CHRDL1: variants seen among roughly 807,000 people sequenced by gnomAD.
CHRDL1 encodes the protein chordin-like protein 1.
CHRDL1 carries 19 observed loss-of-function variants against 40.9 expected under a neutral mutation model. That is an observed-to-expected ratio of 0.46 (90% confidence interval 0.32 to 0.68). The LOEUF (loss-of-function observed/expected upper bound fraction) is 0.68. Ranked by LOEUF, CHRDL1 falls within the 30% of genes least tolerant of loss-of-function variation. CHRDL1 has a pLI of 0.03. For missense variants in CHRDL1, 329 were observed against 352.1 expected, an observed-to-expected ratio of 0.93 and a Z score of 0.53; for synonymous variants, 136 against 123.4, an observed-to-expected ratio of 1.10 and a Z score of -0.68.
chrX:110,692,085 T>C (rs949985109), intron 8 of CHRDL1, among the ~76,000 whole-genome samples: 1 of 111,612 alleles, frequency 9.0e-6, no homozygotes, highest in African/African-American at 3.3e-5. Context: ...CAAGTAGATA[T>C]ATCAGAGGAC....
In CHRDL1 at chrX:110,721,540, G is replaced by C. The variant is rs761464178; in HGVS notation, c.302-10C>G. 1 of 1,200,210 alleles carries C rather than the reference G, an allele frequency of 8.3e-7. No individual in the cohort carries two copies. The stretch of plus-strand genomic sequence containing the variant: ...GGGGGTAAGGAGTCTTCTAGAACAG[G>C]GTGGAGAAAAACCACACTGAGTATT... On this transcript the variant is annotated splice_polypyrimidine_tract_variant and intron_variant, in intron 4 of 11. Coordinates refer to ENST00000372042, the MANE Select transcript of CHRDL1 (RefSeq NM_001143981.2).
At chrX:110,723,021 C>A (rs750899942) in intron 4 of CHRDL1, among the ~76,000 whole-genome samples, 2 of 111,083 alleles carry the variant, frequency 1.8e-5, no homozygotes, top group Non-Finnish European at 3.8e-5. Flanking sequence ...GAGGCCGAGG[C>A]GGGCGGATCA....
At chrX:110,680,650 T>C (rs1053533288) in intron 10 of CHRDL1, among the ~76,000 whole-genome samples, 6 of 111,876 alleles carry the variant, frequency 5.4e-5, no homozygotes, top group African/African-American at 2.0e-4. Context: ...CATACAGAAG[T>C]TCGAGTACTC....
At chrX:110,792,357 CA>C (rs2090116586) in intron 1 of CHRDL1, 142 bp from the exon 2 acceptor site, 1 of 373,678 alleles carries the variant, frequency 2.7e-6, no homozygotes, top group Non-Finnish European at 4.7e-6. Flanking sequence ...TCTGCCTGCA[CA>C]AGATAAAGGA....
chrX:110,675,949 T>C lies in CHRDL1; in HGVS notation c.*282A>G. On this transcript the variant is annotated 3_prime_UTR_variant, in exon 12 of 12. Coordinates refer to ENST00000372042, the MANE Select transcript of CHRDL1 (RefSeq NM_001143981.2). Reference sequence around the variant, plus strand: ...TGGGGTCTTGTTTGTCTTTAACCTGTAAAGAAATGTGATTCTCCAAGAAAC... The same window carrying C: ...TGGGGTCTTGTTTGTCTTTAACCTGCAAAGAAATGTGATTCTCCAAGAAAC... The C allele has an allele frequency of 4.5e-6, 1 of 220,104 alleles. No homozygotes were observed. Among genetic ancestry groups the C allele is most frequent in the Non-Finnish European group, 8.2e-6 (1 of 122,089 alleles). The allele number at this position is 220,104 out of a possible 1,213,427, so 18.1% of individuals were successfully genotyped here. A position where few individuals can be genotyped will look rare whatever the true frequency, so the allele number is the denominator to read the frequency against.
At chrX:110,689,506 ATCTATATC>A in intron 8 of CHRDL1, among the ~76,000 whole-genome samples, 1 of 46,503 alleles carries the variant, frequency 2.2e-5, no homozygotes, top group African/African-American at 2.5e-4. Context: ...ATATCTATAT[ATCTATATC>A]TCTATATATC....
intron 6 of CHRDL1, among the ~76,000 whole-genome samples, chrX:110,711,342 A>C (rs2070744285): frequency 9.0e-6 from 1 of 111,348 alleles, no homozygotes; most frequent in Admixed American, 9.6e-5. Flanking sequence ...TTACCCTTTT[A>C]ACAAACTTAA....
chrX:110,762,297 G>A (rs946999347), intron 3 of CHRDL1, among the ~76,000 whole-genome samples: 2 of 111,827 alleles, frequency 1.8e-5, no homozygotes, highest in Admixed American at 1.9e-4. Context: ...TATTTTATGA[G>A]ATAGGGTCTT....
At chrX:110,736,622 T>C (rs1403562535) in intron 4 of CHRDL1, among the ~76,000 whole-genome samples, 2 of 111,763 alleles carry the variant, frequency 1.8e-5, no homozygotes, top group Non-Finnish European at 3.8e-5. Context: ...AAGGAGACCA[T>C]GGTGTCTGGT....
intron 4 of CHRDL1, among the ~76,000 whole-genome samples, chrX:110,738,953 G>A (rs1263982608): frequency 1.8e-5 from 2 of 111,263 alleles, no homozygotes; most frequent in African/African-American, 6.5e-5. Context: ...CATTGCTCAC[G>A]ATACCATTGA....
intron 2 of CHRDL1, among the ~76,000 whole-genome samples, chrX:110,786,638 C>G (rs772550449): frequency 8.9e-6 from 1 of 112,461 alleles, no homozygotes; most frequent in South Asian, 3.7e-4. Flanking sequence ...GGTCTCTTGA[C>G]TTTAAGCACA....
At chrX:110,690,050 T>C (rs1277305168) in intron 8 of CHRDL1, among the ~76,000 whole-genome samples, 1 of 67,131 alleles carries the variant, frequency 1.5e-5, no homozygotes, top group Non-Finnish European at 2.6e-5. Flanking sequence ...TATATATATA[T>C]ATATTTTTTT....
chrX:110,770,856 T>C (rs976916015), intron 2 of CHRDL1, among the ~76,000 whole-genome samples: 4 of 111,969 alleles, frequency 3.6e-5, no homozygotes, highest in Non-Finnish European at 5.6e-5. Context: ...AAAGAGATAA[T>C]TAACCTGAGA....
chrX:110,791,639 G>A (rs1021670197), intron 2 of CHRDL1, among the ~76,000 whole-genome samples: 1 of 111,688 alleles, frequency 9.0e-6, no homozygotes, highest in South Asian at 3.8e-4. Flanking sequence ...GTCCTTCCTC[G>A]TTTTTCGGCA....
intron 4 of CHRDL1, among the ~76,000 whole-genome samples, chrX:110,727,587 T>C (rs1274846575): frequency 8.9e-6 from 1 of 112,047 alleles, no homozygotes; most frequent in Non-Finnish European, 1.9e-5. Flanking sequence ...AATAGACAGT[T>C]GACAGAAATG....
chrX:110,767,125 C>A (rs778743962), intron 2 of CHRDL1, among the ~76,000 whole-genome samples: 1 of 111,746 alleles, frequency 8.9e-6, no homozygotes, highest in South Asian at 3.7e-4. Context: ...AAAAAGCACT[C>A]GATAAAATCC....
chrX:110,725,862 A>T (rs2071046597), intron 4 of CHRDL1, among the ~76,000 whole-genome samples: 1 of 111,672 alleles, frequency 9.0e-6, no homozygotes, highest in Non-Finnish European at 1.9e-5. Context: ...GTTCTCTGTC[A>T]TTCTACTGAT....
chrX:110,721,434 C>T lies in CHRDL1; in HGVS notation c.398G>A (p.Gly133Glu), dbSNP rs2070950479. The change falls in exon 5 of 12, where the codon GGG becomes GAG. Residue 133 changes from glycine to glutamate, a missense_variant. Coordinates refer to ENST00000372042, the MANE Select transcript of CHRDL1 (RefSeq NM_001143981.2). ...YQHGELFVAE[G>E]LFQNRQPNQC... ...ATTGGGTTGCCGATTCTGAAAGAGC[C>T]CTTCAGCTACGAACAGCTCTCCATG... is the stretch of plus-strand genomic sequence containing the variant. The T allele has an allele frequency of 2.5e-6, 3 of 1,209,082 alleles. No individual in the cohort carries two copies. In the South Asian group the frequency reaches 5.3e-5, roughly 21 times the overall value.
intron 2 of CHRDL1, among the ~76,000 whole-genome samples, chrX:110,780,469 C>A (rs941983486): frequency 4.5e-5 from 5 of 111,808 alleles, no homozygotes; most frequent in Non-Finnish European, 9.5e-5. Context: ...CACCAATACA[C>A]AGCTGAACCA....
Sources: gnomAD v4.1 joint callset for allele counts (sites outside exome capture counted in the v4.1 genomes callset) on GRCh38, gnomAD v4.1.1 for gene constraint, MANE v1.5 for transcripts, NCBI Gene and HGNC (gene_info 2026-07-23, HGNC 2026-07-21) for gene names.